Variants in PLD5 observed in about 807,000 individuals in gnomAD.
The protein encoded by PLD5 is phospholipase D family member 5, also known as inactive phospholipase D5.
In PLD5, 36 loss-of-function variants were observed where a neutral mutation model predicts 61.1. That is an observed-to-expected ratio of 0.59 (90% CI 0.45 to 0.78). PLD5 has a LOEUF of 0.78. PLD5 is among the 30% of genes least tolerant of loss of function. The probability of loss-of-function intolerance (pLI) is 0.00; values close to 1 mark genes in which losing one functional copy is unlikely to be tolerated. For synonymous variants in PLD5, 243 were observed against 242.8 expected (o/e 1.00, Z -0.01); for missense variants, 515 against 644.4 (o/e 0.80, Z 2.17).
At chr1:242,189,065 G>C (rs1668077041) in intron 5 of PLD5, among the ~76,000 whole-genome samples, 1 of 152,184 alleles carries the variant, frequency 6.6e-6, no homozygotes, top group Admixed American at 6.5e-5. Context: ...GCATGAATTT[G>C]CAACAATAAA....
chr1:242,143,152 C>T (rs891097992), intron 5 of PLD5, among the ~76,000 whole-genome samples: 2 of 152,076 alleles, frequency 1.3e-5, no homozygotes, highest in Non-Finnish European at 2.9e-5. Flanking sequence ...CTCAGCCTCA[C>T]AAGTAGCTGG....
At position 242,256,766 on chromosome 1, in the gene PLD5, CT is replaced by C. The variant is rs1673048323; in HGVS notation, c.607+8570del. On this transcript the variant is annotated intron_variant, in intron 4 of 9. Coordinates refer to ENST00000536534, the MANE Select transcript of PLD5 (RefSeq NM_001372062.1). The surrounding 1 kb of genome is among the most constrained non-coding windows in gnomAD (Gnocchi z 5.7). ...GACTATCATCTATCTATCTATCTAT[CT>C]ATCTATCTATCTATCTATCTATCTA... Among the ~76,000 whole-genome samples the C allele has an allele frequency of 6.6e-6, 1 of 151,292 alleles. No homozygotes were observed. Among genetic ancestry groups the C allele is most frequent in the Non-Finnish European group, 1.5e-5 (1 of 67,926 alleles).
chr1:242,325,991 G>A (rs1349981726), intron 2 of PLD5, among the ~76,000 whole-genome samples: 1 of 152,116 alleles, frequency 6.6e-6, no homozygotes, highest in African/African-American at 2.4e-5. Context: ...GGGCGTAAGT[G>A]ATCTACACAT....
chr1:242,144,763 A>G (rs560471343), intron 5 of PLD5, among the ~76,000 whole-genome samples: 1 of 152,262 alleles, frequency 6.6e-6, no homozygotes, highest in East Asian at 1.9e-4. Context: ...CCTGGGTGAC[A>G]GAGTGAAACC....
chr1:242,113,758 G>T (rs1661726421), intron 7 of PLD5, 132 bp downstream of exon 7: 4 of 1,132,338 alleles, frequency 3.5e-6, no homozygotes, highest in Non-Finnish European at 4.8e-6. Context: ...ATGTTAAACA[G>T]CAATGAATGG....
chr1:242,472,431 T>G (rs1272245460), intron 1 of PLD5, among the ~76,000 whole-genome samples: 1 of 152,238 alleles, frequency 6.6e-6, no homozygotes, highest in African/African-American at 2.4e-5. Context: ...AGTTTGCAGA[T>G]GAAACCTAGA....
At chr1:242,316,212 T>A (rs1657954687) in intron 2 of PLD5, among the ~76,000 whole-genome samples, 1 of 152,232 alleles carries the variant, frequency 6.6e-6, no homozygotes, top group Non-Finnish European at 1.5e-5. Flanking sequence ...TTAAATGATT[T>A]ACTGTATTTT....
chr1:242,300,284 CA>C (rs562745830), intron 2 of PLD5, among the ~76,000 whole-genome samples: 27 of 148,452 alleles, frequency 1.8e-4, no homozygotes, highest in South Asian at 4.3e-4. Context: ...ACTGAAAATA[CA>C]AAAAAAAAAT....
intron 1 of PLD5, among the ~76,000 whole-genome samples, chr1:242,418,027 C>A (rs12134147): frequency 0.41 from 61,662 of 151,956 alleles, 13,138 homozygotes; most frequent in African/African-American, 0.53. Context: ...AAGACAAGGG[C>A]AGAACCAGAA....
intron 2 of PLD5, among the ~76,000 whole-genome samples, chr1:242,293,838 G>C (rs1371408640): frequency 6.6e-6 from 1 of 152,136 alleles, no homozygotes; most frequent in Non-Finnish European, 1.5e-5. Flanking sequence ...TGCTCCTTCT[G>C]GGACGCATGG....
At chr1:242,309,903 T>G (rs1676598992) in intron 2 of PLD5, among the ~76,000 whole-genome samples, 1 of 148,954 alleles carries the variant, frequency 6.7e-6, no homozygotes, top group Admixed American at 6.9e-5. Context: ...ATATTTTACC[T>G]GGAGAAAGTC....
intron 5 of PLD5, among the ~76,000 whole-genome samples, chr1:242,194,496 A>G (rs941532129): frequency 6.6e-6 from 1 of 152,158 alleles, no homozygotes; most frequent in Non-Finnish European, 1.5e-5. Context: ...ACCATTCACA[A>G]TTGCAAAATC....
chr1:242,289,966 A>G (rs3851901), intron 2 of PLD5, among the ~76,000 whole-genome samples: 127,939 of 148,394 alleles, frequency 0.86, 55,684 homozygotes, highest in East Asian at 0.94. Flanking sequence ...TGTGGCTCAG[A>G]TAAATTTGCA....
intron 2 of PLD5, among the ~76,000 whole-genome samples, chr1:242,295,201 G>A (rs546529720): frequency 6.6e-6 from 1 of 152,222 alleles, no homozygotes; most frequent in Admixed American, 6.5e-5. Context: ...ACCTCATAAT[G>A]CTGGGGTTCG....
chr1:242,207,902 A>ATATTTATATATATT lies in PLD5; in HGVS notation c.735+12085_735+12086insAATATATATAAATA, dbSNP rs1553324945. Among the ~76,000 whole-genome samples, 3 of 21,084 alleles carry ATATTTATATATATT rather than the reference A, an allele frequency of 1.4e-4. 1 individual carries two copies. Among genetic ancestry groups the ATATTTATATATATT allele is most frequent in the Non-Finnish European group, 2.4e-4 (3 of 12,616 alleles). 13.8% of individuals were successfully genotyped at this position (21,084 alleles called of 152,430 possible). A position where few individuals can be genotyped will look rare whatever the true frequency, so the allele number is the denominator to read the frequency against. On this transcript the variant is annotated intron_variant, in intron 5 of 9. Transcript: ENST00000536534. ...TTTATATATTTATATATATTTATAT[A>ATATTTATATATATT]TTTATATATATTTATATATTTATAT...
chr1:242,255,708 G>A (rs1672976316), intron 4 of PLD5, among the ~76,000 whole-genome samples: 1 of 152,132 alleles, frequency 6.6e-6, no homozygotes, highest in Admixed American at 6.5e-5. Flanking sequence ...GATTATCAAT[G>A]ATGAATGAGT....
intron 4 of PLD5, among the ~76,000 whole-genome samples, chr1:242,225,005 A>AT (rs575911698): frequency 9.2e-5 from 14 of 152,248 alleles, no homozygotes; most frequent in Non-Finnish European, 1.6e-4. Flanking sequence ...ACGCAGCAGG[A>AT]TTTTTTGCGT....
At chr1:242,529,792 TTCC>T in the PLD5 span, among the ~76,000 whole-genome samples, 1 of 143,498 alleles carries the variant, frequency 7.0e-6, no homozygotes, top group Non-Finnish European at 1.5e-5. Flanking sequence ...CCTTCCTTCC[TTCC>T]TTCCTTCCTT....
At chr1:242,146,043 G>C (rs1664523841) in intron 5 of PLD5, among the ~76,000 whole-genome samples, 1 of 152,162 alleles carries the variant, frequency 6.6e-6, no homozygotes, top group Admixed American at 6.5e-5. Context: ...TCTTAAAGTT[G>C]AGCAGGGGTC....
Sources: gnomAD v4.1 joint callset for allele counts (sites outside exome capture counted in the v4.1 genomes callset) on GRCh38, gnomAD v4.1.1 for gene constraint, Gnocchi (gnomAD v3.1) non-coding constraint, MANE v1.5 for transcripts, NCBI Gene and HGNC (gene_info 2026-07-23, HGNC 2026-07-21) for gene names.